The following INPP5D variants were observed in gnomAD, a reference collection of about 807,000 sequenced individuals.
INPP5D encodes the protein inositol polyphosphate-5-phosphatase D, also known as phosphatidylinositol 3,4,5-trisphosphate 5-phosphatase 1.
A neutral mutation model predicts 122.9 loss-of-function variants in INPP5D; 33 were observed. That is an observed-to-expected ratio of 0.27 (90% CI 0.20 to 0.36). INPP5D has a LOEUF of 0.36. Among genes scored for constraint, INPP5D ranks in the 10% least tolerant of loss-of-function variants. INPP5D has a pLI of 1.00. For missense variants in INPP5D, 1,053 were observed against 1,412.7 expected (o/e 0.75, Z 4.08); for synonymous variants, 584 against 576.2 (o/e 1.01, Z -0.19).
chr2:233,103,702 CTTTTTTTTT>C (rs61589704), intron 2 of INPP5D, among the ~76,000 whole-genome samples: 1 of 116,162 alleles, frequency 8.6e-6, no homozygotes, highest in South Asian at 2.8e-4. Flanking sequence ...AAAAGTAGTT[CTTTTTTTTT>C]TTTTTTTTTT....
Position 233,204,225 on chromosome 2 carries a change from G to A in INPP5D, c.3075G>A (p.Leu1025=), listed in dbSNP as rs752632052. The A allele has an allele frequency of 6.2e-7, 1 of 1,613,340 alleles. No homozygotes were observed. Among genetic ancestry groups the A allele is most frequent in the African/African-American group, 1.3e-5 (1 of 74,892 alleles). The change falls in exon 26 of 27, where the codon CTG becomes CTA. Residue 1025 remains leucine, a synonymous_variant. Transcript: ENST00000445964. ...TTGAGAACCCCCTGTATGGGTCCCT[G>A]AGTTCCTTCCCTAAGCCTGCTCCCA... is the stretch of plus-strand genomic sequence containing the variant. ...EMFENPLYGS[L]SSFPKPAPRK... is the part of the protein sequence containing the mutation.
At chr2:233,161,948 T>C in intron 11 of INPP5D, 122 bp downstream of exon 11, 1 of 1,414,354 alleles carries the variant, frequency 7.1e-7, no homozygotes. Context: ...CCCAGGGCCC[T>C]GCCCCTAAGC....
rs561794066 is a variant in INPP5D at position 233,159,617 on chromosome 2, C to T, written c.1137+1198C>T. ...GCTGAAGTGGGAGGATCGCTTGAAC[C>T]CAGGAGTTTGAGGCTGCAGTGAGCT... On this transcript the variant is annotated intron_variant, in intron 10 of 26. Coordinates refer to ENST00000445964, the MANE Select transcript of INPP5D (RefSeq NM_001017915.3). Among the ~76,000 whole-genome samples, 241 of 143,682 alleles carry T rather than the reference C, an allele frequency of 1.7e-3. 1 individual carries two copies. Among genetic ancestry groups the T allele is most frequent in the African/African-American group, 6.0e-3 (231 of 38,516 alleles). 94.3% of individuals were successfully genotyped at this position (143,682 alleles called of 152,430 possible). A position where few individuals can be genotyped will look rare whatever the true frequency, so the allele number is the denominator to read the frequency against.
chr2:233,163,535 C>A (rs1694247997), intron 11 of INPP5D, among the ~76,000 whole-genome samples, 172 bp from the exon 12 acceptor site: 1 of 152,158 alleles, frequency 6.6e-6, no homozygotes, highest in African/African-American at 2.4e-5. Context: ...TAACCGACAT[C>A]CTGGGTGAGG....
intron 1 of INPP5D, among the ~76,000 whole-genome samples, chr2:233,069,865 C>T (rs4973599): frequency 2.0e-5 from 3 of 152,014 alleles, no homozygotes; most frequent in East Asian, 1.9e-4. Flanking sequence ...ATTACTAGAT[C>T]GAGGGACAGG....
chr2:233,205,274 G>A (rs1695463405), intron 26 of INPP5D: 1 of 149,766 alleles, frequency 6.7e-6, no homozygotes, highest in Non-Finnish European at 1.5e-5. Flanking sequence ...GAACCTGGGA[G>A]GCAGAGGTTG....
chr2:233,117,279 C>T (rs1246207195), intron 2 of INPP5D, among the ~76,000 whole-genome samples: 1 of 152,144 alleles, frequency 6.6e-6, no homozygotes, highest in Non-Finnish European at 1.5e-5. Flanking sequence ...CCTCCCGATT[C>T]GAACCTGGAC....
intron 5 of INPP5D, among the ~76,000 whole-genome samples, chr2:233,135,075 A>G (rs1693431652): frequency 7.5e-6 from 1 of 133,354 alleles, no homozygotes; most frequent in African/African-American, 3.0e-5. Context: ...AAAATTGCCA[A>G]TTAATGTATA....
intron 17 of INPP5D, 44 bp downstream of exon 17, chr2:233,171,196 C>T: frequency 6.2e-7 from 1 of 1,602,300 alleles, no homozygotes; most frequent in Admixed American, 1.7e-5. Context: ...CCATCTCCTC[C>T]CCGCTGGTGT....
At chr2:233,166,402 G>A (rs1470221103) in intron 13 of INPP5D, among the ~76,000 whole-genome samples, 1 of 152,216 alleles carries the variant, frequency 6.6e-6, no homozygotes, top group African/African-American at 2.4e-5. Context: ...GGGAGGAAAA[G>A]AAGCCAGTTC....
intron 1 of INPP5D, among the ~76,000 whole-genome samples, chr2:233,062,549 T>C (rs1161358620): frequency 3.9e-5 from 6 of 152,226 alleles, no homozygotes; most frequent in African/African-American, 1.4e-4. Context: ...TTGTCTGCAC[T>C]GAGTTCTCTC....
chr2:233,098,034 C>T (rs1233645061), intron 2 of INPP5D, among the ~76,000 whole-genome samples: 3 of 151,974 alleles, frequency 2.0e-5, no homozygotes, highest in East Asian at 1.9e-4. Flanking sequence ...GACAGGCATG[C>T]GCCACCATGC....
chr2:233,137,699 C>A (rs890312696), intron 5 of INPP5D, among the ~76,000 whole-genome samples: 3 of 148,956 alleles, frequency 2.0e-5, no homozygotes, highest in African/African-American at 7.4e-5. Context: ...CAGGTGACAC[C>A]CACCTTGGCC....
chr2:233,164,432 G>A lies in INPP5D; in HGVS notation c.1555+8G>A, dbSNP rs1271459530. 3.2e-6 allele frequency: 5 copies of A among 1,543,452 alleles called. No homozygotes were observed. The African/African-American group carries it at 6.9e-5, about 21-fold the overall frequency. ...GCATTGCAAACACACTGGGTGAGCA[G>A]GGCGGGGACCCTGTGTTCCTCCCAC... On this transcript the variant is annotated splice_region_variant and intron_variant, in intron 13 of 26. Transcript: ENST00000445964. The surrounding 1 kb of genome is among the most constrained non-coding windows in gnomAD (Gnocchi z 4.3).
At chr2:233,187,307 A>G (rs1694946293) in intron 21 of INPP5D, among the ~76,000 whole-genome samples, 1 of 152,154 alleles carries the variant, frequency 6.6e-6, no homozygotes, top group African/African-American at 2.4e-5. Context: ...CTGGGTGGGA[A>G]GTGGAGTTTC....
chr2:233,193,419 T>C (rs1695102218), intron 22 of INPP5D, among the ~76,000 whole-genome samples: 1 of 152,230 alleles, frequency 6.6e-6, no homozygotes, highest in Non-Finnish European at 1.5e-5. Context: ...CTGCAGATAC[T>C]GTTCCCAATC....
At chr2:233,064,030 T>C (rs1691144811) in intron 1 of INPP5D, among the ~76,000 whole-genome samples, 1 of 152,258 alleles carries the variant, frequency 6.6e-6, no homozygotes, top group Non-Finnish European at 1.5e-5. Context: ...GGTCAGTCAA[T>C]GCAAGGGTCC....
chr2:233,060,708 G>A (rs1256777687), intron 1 of INPP5D, 96 bp downstream of exon 1: 29 of 1,483,126 alleles, frequency 2.0e-5, no homozygotes, highest in Non-Finnish European at 2.7e-5. Flanking sequence ...TCACAGGACA[G>A]AGTGATCTGA....
chr2:233,185,967 T>A (rs1274142107), intron 21 of INPP5D, 42 bp downstream of exon 21: 4 of 1,547,062 alleles, frequency 2.6e-6, no homozygotes, highest in Non-Finnish European at 3.5e-6. Context: ...AGATTTGCAT[T>A]TACTAGGCCA....
Sources: allele counts gnomAD v4.1 joint callset (sites outside exome capture counted in the v4.1 genomes callset), GRCh38; gene constraint gnomAD v4.1.1; non-coding constraint Gnocchi (gnomAD v3.1); transcripts MANE v1.5; gene names NCBI Gene and HGNC (gene_info 2026-07-23, HGNC 2026-07-21).